FAM83A: variants seen among roughly 807,000 people sequenced by gnomAD.
FAM83A encodes the protein protein FAM83A.
Under a neutral mutation model 24.4 loss-of-function variants are expected in FAM83A, and 21 were observed. The observed-to-expected ratio is 0.86, with a 90% CI of 0.61 to 1.24. The LOEUF (loss-of-function observed/expected upper bound fraction) is 1.24, where lower values mean the gene tolerates loss of function less well. Among genes scored for constraint, FAM83A ranks in the 50% most tolerant of loss-of-function variants. FAM83A has a pLI of 0.00. For missense variants in FAM83A, 617 were observed against 579.8 expected (o/e 1.06, Z -0.66); for synonymous variants, 270 against 252.4 (o/e 1.07, Z -0.66).
rs1264898070 is a variant in FAM83A at position 123,193,188 on chromosome 8, G to A, written c.649-836G>A. Among the ~76,000 whole-genome samples the A allele has an allele frequency of 1.3e-5, 2 of 152,196 alleles. 1 individual carries two copies. The highest frequency in any genetic ancestry group is 2.9e-5 in the Non-Finnish European group (2 of 68,040). On this transcript the variant is annotated intron_variant, in intron 2 of 3. Coordinates refer to ENST00000690554, the Ensembl canonical transcript of FAM83A. ...AAGGGATAAATAGAGCCATGGTAGGGTTGCAGACTCACCTTTGCTTAAGAC... is the reference window on the plus strand; with the variant it reads ...AAGGGATAAATAGAGCCATGGTAGGATTGCAGACTCACCTTTGCTTAAGAC...
exon 4 of FAM83A, chr8:123,207,186 G>C (rs747530847): frequency 6.7e-7 from 1 of 1,492,610 alleles, no homozygotes; most frequent in Admixed American, 1.8e-5. Context: ...CACGTGCACC[G>C]GAACATCCTC....
chr8:123,201,883 T>C (rs1824371326), intron 3 of FAM83A: 1 of 152,392 alleles, frequency 6.6e-6, no homozygotes, highest in South Asian at 2.1e-4. Flanking sequence ...GGAAGTGCTC[T>C]GGGGTCAGCT....
rs770975662 is a variant in FAM83A at position 123,209,514 on chromosome 8, T to C, written c.*1826T>C. On this transcript the variant is annotated 3_prime_UTR_variant, in exon 4 of 4. Coordinates refer to ENST00000690554, the Ensembl canonical transcript of FAM83A. This position sits in a 1 kb window ranked among gnomAD's most constrained non-coding sequence, Gnocchi z 4.7. ...CTTTCTGAACCCAGCCCTGACCTTGTTGTTTCACAGCTGACGGCTGAGATG... is the reference window on the plus strand; with the variant it reads ...CTTTCTGAACCCAGCCCTGACCTTGCTGTTTCACAGCTGACGGCTGAGATG... 2 of 1,614,198 alleles carry C rather than the reference T, an allele frequency of 1.2e-6. No homozygotes were observed. Among genetic ancestry groups the C allele is most frequent in the South Asian group, 2.2e-5 (2 of 91,086 alleles).
intron 3 of FAM83A, among the ~76,000 whole-genome samples, chr8:123,197,493 G>C (rs1324885196): frequency 6.6e-6 from 1 of 152,206 alleles, no homozygotes; most frequent in Non-Finnish European, 1.5e-5. Context: ...GCGTGTTTCA[G>C]TGCTTTCTCC....
exon 4 of FAM83A, chr8:123,207,178 C>T (rs375115765): frequency 2.0e-4 from 327 of 1,599,178 alleles, no homozygotes; most frequent in Non-Finnish European, 1.4e-4. Context: ...TCTGCGGACA[C>T]GTGCACCGGA....
upstream of FAM83A, chr8:123,181,890 G>T (rs1456381521): frequency 2.7e-6 from 1 of 365,944 alleles, no homozygotes; most frequent in African/African-American, 2.1e-5. Context: ...GTTTCCAGCA[G>T]AGCCCACCCA....
chr8:123,192,241 A>G (rs1434419183), intron 2 of FAM83A, among the ~76,000 whole-genome samples: 3 of 152,062 alleles, frequency 2.0e-5, no homozygotes, highest in Non-Finnish European at 4.4e-5. Context: ...CCTGGAGGAG[A>G]TTTCCATCGC....
rs866173083 is a variant in FAM83A at position 123,209,965 on chromosome 8, A to C, written c.*2277A>C. On this transcript the variant is annotated 3_prime_UTR_variant, in exon 4 of 4. Coordinates refer to ENST00000690554, the Ensembl canonical transcript of FAM83A. The surrounding 1 kb of genome is among the most constrained non-coding windows in gnomAD (Gnocchi z 4.7). Reference sequence around the variant, plus strand: ...ACATAGAAGCAGCTCTCCAGTTGAAACCCTCCTCTGCCAGCCTGGGGTCCT... The same window carrying C: ...ACATAGAAGCAGCTCTCCAGTTGAACCCCTCCTCTGCCAGCCTGGGGTCCT... The C allele has an allele frequency of 1.6e-5, 3 of 189,398 alleles. No individual in the cohort carries two copies. Among genetic ancestry groups the C allele is most frequent in the East Asian group, 1.2e-4 (1 of 8,140 alleles). 11.7% of individuals were successfully genotyped at this position (189,398 alleles called of 1,614,324 possible). A position where few individuals can be genotyped will look rare whatever the true frequency, so the allele number is the denominator to read the frequency against.
exon 4 of FAM83A, chr8:123,208,488 C>T (rs989912041): frequency 1.5e-5 from 15 of 985,544 alleles, no homozygotes; most frequent in South Asian, 4.7e-5. Flanking sequence ...CTGCAGTGCC[C>T]AGGCCAGTCT....
intron 3 of FAM83A, chr8:123,201,772 G>A (rs1027430372): frequency 1.3e-5 from 2 of 152,292 alleles, no homozygotes; most frequent in Admixed American, 1.3e-4. Context: ...GGCTGGTTGA[G>A]GGTCTGACCC....
chr8:123,185,452 T>G (rs1823761866), intron 1 of FAM83A, among the ~76,000 whole-genome samples: 1 of 152,214 alleles, frequency 6.6e-6, no homozygotes, highest in Non-Finnish European at 1.5e-5. Context: ...CCACACCCAG[T>G]GAGGCTTCTG....
exon 4 of FAM83A, chr8:123,207,847 T>C: frequency 7.2e-7 from 1 of 1,385,064 alleles, no homozygotes; most frequent in Non-Finnish European, 9.3e-7. Context: ...GGCCATCCAC[T>C]TGCCGGCCCC....
chr8:123,193,087 C>T (rs1824034967), intron 2 of FAM83A, among the ~76,000 whole-genome samples: 1 of 152,240 alleles, frequency 6.6e-6, no homozygotes, highest in African/African-American at 2.4e-5. Context: ...CCCTGAGACT[C>T]CCACACTTTA....
chr8:123,204,590 G>A (rs534381248), intron 3 of FAM83A, among the ~76,000 whole-genome samples: 17 of 150,168 alleles, frequency 1.1e-4, no homozygotes, highest in African/African-American at 3.3e-4. Context: ...GTGAAACCCC[G>A]TCTCTACTAA....
At chr8:123,207,158 T>C (rs1330836504) in exon 4 of FAM83A, 2 of 1,332,354 alleles carry the variant, frequency 1.5e-6, no homozygotes, top group Admixed American at 4.0e-5. Context: ...CCCCTCCAGC[T>C]TCACCTGGCT....
chr8:123,197,538 A>G (rs1824199145), intron 3 of FAM83A, among the ~76,000 whole-genome samples: 1 of 152,170 alleles, frequency 6.6e-6, no homozygotes, highest in Non-Finnish European at 1.5e-5. Context: ...CATGGACAGG[A>G]TGGACCACAG....
intron 1 of FAM83A, among the ~76,000 whole-genome samples, chr8:123,189,128 C>T (rs2131069456): frequency 6.6e-6 from 1 of 152,368 alleles, no homozygotes; most frequent in South Asian, 2.1e-4. Flanking sequence ...AAAGCCTAAG[C>T]TGCTTTCAGT....
chr8:123,207,788 T>C (rs1386208702), exon 4 of FAM83A: 2 of 1,405,022 alleles, frequency 1.4e-6, no homozygotes, highest in Non-Finnish European at 9.2e-7. Flanking sequence ...CACTTCCCTT[T>C]GAAAAGACAC....
At chr8:123,199,657 C>T (rs1824281219) in intron 3 of FAM83A, among the ~76,000 whole-genome samples, 1 of 151,976 alleles carries the variant, frequency 6.6e-6, no homozygotes, top group Non-Finnish European at 1.5e-5. Flanking sequence ...TAGCTTGAAC[C>T]CAGGAGGCAG....
Sources: allele counts gnomAD v4.1 joint callset (sites outside exome capture counted in the v4.1 genomes callset), GRCh38; gene constraint gnomAD v4.1.1; non-coding constraint Gnocchi (gnomAD v3.1); transcripts MANE v1.5; gene names NCBI Gene and HGNC (gene_info 2026-07-23, HGNC 2026-07-21).